RAB11FIP3: variants seen among roughly 807,000 people sequenced by gnomAD.
RAB11FIP3 encodes RAB11 family interacting protein 3.
Under a neutral mutation model 77.8 loss-of-function variants are expected in RAB11FIP3, and 17 were observed. The observed-to-expected ratio is 0.22, with a 90% confidence interval of 0.15 to 0.33. The LOEUF is 0.33. Ranked by LOEUF, RAB11FIP3 falls within the 10% of genes least tolerant of loss-of-function variation. RAB11FIP3 has a pLI of 1.00. For synonymous variants in RAB11FIP3, 437 were observed against 448.2 expected, an observed-to-expected ratio of 0.98 and a Z score of 0.31; for missense variants, 1,005 against 1,011.2, an observed-to-expected ratio of 0.99 and a Z score of 0.08.
intron 1 of RAB11FIP3, among the ~76,000 whole-genome samples, chr16:452,931 T>C: frequency 1.6e-5 from 1 of 62,024 alleles, no homozygotes; most frequent in Non-Finnish European, 3.2e-5. Flanking sequence ...ATTTTTTGTA[T>C]TTTTAGTAGA....
At chr16:495,713 G>C (rs549156257) in intron 5 of RAB11FIP3, among the ~76,000 whole-genome samples, 1 of 152,184 alleles carries the variant, frequency 6.6e-6, no homozygotes, top group South Asian at 2.1e-4. Context: ...GGGGCTCTAC[G>C]TTAATACCTG....
chr16:483,388 G>A (rs2056085593), intron 4 of RAB11FIP3, among the ~76,000 whole-genome samples: 1 of 152,182 alleles, frequency 6.6e-6, no homozygotes, highest in Non-Finnish European at 1.5e-5. Context: ...GGTTAGGGAG[G>A]TCAGGCAGGC....
chr16:505,764 G>A lies in RAB11FIP3; in HGVS notation c.1499+137G>A, dbSNP rs899684286. 8 of 718,170 alleles carry A rather than the reference G, an allele frequency of 1.1e-5. No individual in the cohort carries two copies. Among genetic ancestry groups the A allele is most frequent in the Non-Finnish European group, 1.8e-5 (8 of 443,310 alleles). The allele number at this position is 718,170 out of a possible 1,614,324, so 44.5% of individuals were successfully genotyped here. ...TCCCCGTTGGAAGCCGGCTGAGGGGGTGGTGCCAGGTGGTCATCTGAGCCT... is the reference window on the plus strand; with the variant it reads ...TCCCCGTTGGAAGCCGGCTGAGGGGATGGTGCCAGGTGGTCATCTGAGCCT... On this transcript the variant is annotated intron_variant, in intron 8 of 13. Coordinates refer to ENST00000262305, the MANE Select transcript of RAB11FIP3 (RefSeq NM_014700.4). The surrounding 1 kb of genome is among the most constrained non-coding windows in gnomAD (Gnocchi z 4.0).
chr16:430,563 CGTTT>C (rs2055020014), intron 1 of RAB11FIP3, among the ~76,000 whole-genome samples: 1 of 151,994 alleles, frequency 6.6e-6, no homozygotes, highest in Admixed American at 6.6e-5. Flanking sequence ...CCTTTTTGTT[CGTTT>C]GTTTTGAGAC....
chr16:452,751 A>T lies in RAB11FIP3; in HGVS notation c.715-8653A>T, dbSNP rs879667539. Among the ~76,000 whole-genome samples, 77 of 39,406 alleles carry T rather than the reference A, an allele frequency of 2.0e-3. 1 individual carries two copies. Among genetic ancestry groups the T allele is most frequent in the South Asian group, 9.6e-3 (12 of 1,256 alleles). The allele number at this position is 39,406 out of a possible 152,430, so 25.9% of individuals were successfully genotyped here. On this transcript the variant is annotated intron_variant, in intron 1 of 13. Transcript: ENST00000262305. The stretch of plus-strand genomic sequence containing the variant: ...GCCTGGCCTATTTCTTTATTTTTTA[A>T]TTTTTTTTTATTTTTTATTTTTGAG...
At position 440,724 on chromosome 16, in the gene RAB11FIP3, A is replaced by G. The variant is rs2055211073; in HGVS notation, c.714+14004A>G. 2.0e-5 allele frequency among the ~76,000 whole-genome samples: 3 copies of G among 152,244 alleles called. No individual in the cohort carries two copies. In the South Asian group the frequency reaches 6.2e-4, roughly 31 times the overall value. ...GGAAGACTTCTGAAAATGCTGTGTG[A>G]TGAATCTGGGAATGTTAGTTCTGGA... On this transcript the variant is annotated intron_variant, in intron 1 of 13. Transcript: ENST00000262305.
intron 6 of RAB11FIP3, among the ~76,000 whole-genome samples, chr16:498,462 G>A (rs2031298613): frequency 2.0e-5 from 3 of 151,862 alleles, no homozygotes; most frequent in South Asian, 2.1e-4. Context: ...GGCATGAGCC[G>A]TCACACCTGG....
At chr16:483,108 C>A (rs576104148) in intron 4 of RAB11FIP3, among the ~76,000 whole-genome samples, 8 of 152,272 alleles carry the variant, frequency 5.3e-5, no homozygotes, top group African/African-American at 1.7e-4. Flanking sequence ...TGTCCCCCAC[C>A]CTCAGGATTT....
intron 1 of RAB11FIP3, among the ~76,000 whole-genome samples, chr16:440,490 C>T (rs1021100212): frequency 6.6e-6 from 1 of 152,186 alleles, no homozygotes; most frequent in African/African-American, 2.4e-5. Flanking sequence ...GGCTCTTGCT[C>T]TGCCTACCTT....
chr16:502,698 C>T (rs1176997332), intron 6 of RAB11FIP3: 1 of 470,664 alleles, frequency 2.1e-6, no homozygotes, highest in Non-Finnish European at 3.7e-6. Context: ...AGTACAAAGT[C>T]CTCTCTGCCA....
intron 5 of RAB11FIP3, among the ~76,000 whole-genome samples, chr16:496,620 A>T (rs1034537870): frequency 2.0e-5 from 3 of 152,370 alleles, no homozygotes; most frequent in Middle Eastern, 3.4e-3. Context: ...AACGAGACGT[A>T]TGCGGCCTCA....
chr16:435,788 A>G (rs1295332984), intron 1 of RAB11FIP3, among the ~76,000 whole-genome samples: 1 of 152,044 alleles, frequency 6.6e-6, no homozygotes, highest in Non-Finnish European at 1.5e-5. Context: ...AAATTTAAGT[A>G]AACCCTAAAG....
chr16:515,735 GTGTT>G lies in RAB11FIP3; in HGVS notation c.1641-3207_1641-3204del, dbSNP rs1170312788. ...CTCGGAGCAGCCACACGGCCGACAC[GTGTT>G]GGGGTTTGCATCTCGGAACAGCCAC... On this transcript the variant is annotated intron_variant, in intron 9 of 13. Coordinates refer to ENST00000262305, the MANE Select transcript of RAB11FIP3 (RefSeq NM_014700.4). Among the ~76,000 whole-genome samples the G allele has an allele frequency of 6.8e-3, 1,034 of 151,604 alleles. 12 individuals are homozygous for G. Among genetic ancestry groups the G allele is most frequent in the African/African-American group, 0.023 (966 of 41,194 alleles).
intron 5 of RAB11FIP3, among the ~76,000 whole-genome samples, chr16:493,781 A>AT (rs1687178006): frequency 7.2e-6 from 1 of 138,308 alleles, no homozygotes; most frequent in South Asian, 2.3e-4. Flanking sequence ...TAACTTTTGT[A>AT]TTTTTAGTAG....
chr16:440,455 G>T (rs937999147), intron 1 of RAB11FIP3, among the ~76,000 whole-genome samples: 7 of 152,148 alleles, frequency 4.6e-5, no homozygotes, highest in African/African-American at 1.7e-4. Flanking sequence ...CCTTCCCTGG[G>T]ATCAGTGGCC....
At position 461,155 on chromosome 16, in the gene RAB11FIP3, CAT is replaced by C. The variant is rs1483946937; in HGVS notation, c.715-247_715-246del. 6.6e-6 allele frequency among the ~76,000 whole-genome samples: 1 copy of C among 152,198 alleles called. No individual in the cohort carries two copies. The highest frequency in any genetic ancestry group is 1.5e-5 in the Non-Finnish European group (1 of 68,030). ...TTCAGATCATCCGGCGTTAGAGTCT[CAT>C]AAGGAGCGCGCAACCTGGACCCCTC... On this transcript the variant is annotated intron_variant, in intron 1 of 13. Transcript: ENST00000262305. The surrounding 1 kb of genome is among the most constrained non-coding windows in gnomAD (Gnocchi z 4.5).
intron 4 of RAB11FIP3, among the ~76,000 whole-genome samples, chr16:488,237 G>A (rs1195798525): frequency 4.6e-5 from 7 of 152,026 alleles, no homozygotes; most frequent in Non-Finnish European, 8.8e-5. Flanking sequence ...AAAATTAGCC[G>A]GGCGTGGTGG....
chr16:462,565 C>T (rs1265287845), intron 2 of RAB11FIP3, among the ~76,000 whole-genome samples: 3 of 142,212 alleles, frequency 2.1e-5, no homozygotes, highest in East Asian at 2.1e-4. Context: ...TGAGGGTTCG[C>T]GTGCTCTCAC....
intron 3 of RAB11FIP3, among the ~76,000 whole-genome samples, chr16:473,237 C>G (rs2055840350): frequency 6.6e-6 from 1 of 152,170 alleles, no homozygotes; most frequent in Admixed American, 6.5e-5. Context: ...GAGCCTCACG[C>G]TTGTCACTTC....
Sources: allele counts gnomAD v4.1 joint callset (sites outside exome capture counted in the v4.1 genomes callset), GRCh38; gene constraint gnomAD v4.1.1; non-coding constraint Gnocchi (gnomAD v3.1); transcripts MANE v1.5; gene names NCBI Gene and HGNC (gene_info 2026-07-23, HGNC 2026-07-21).